PBX3: variants seen among roughly 807,000 people sequenced by gnomAD.
PBX3 encodes PBX homeobox 3.
PBX3 carries 14 observed loss-of-function variants against 48.5 expected under a neutral mutation model. The observed-to-expected ratio is 0.29, with a 90% CI of 0.19 to 0.45. The LOEUF is 0.45. Ranked by LOEUF, PBX3 falls within the 20% of genes least tolerant of loss-of-function variation. PBX3 has a pLI of 1.00. For synonymous variants in PBX3, 210 were observed against 200.3 expected (o/e 1.05, Z -0.41); for missense variants, 386 against 546.7 (o/e 0.71, Z 2.93).
intron 1 of PBX3, chr9:125,748,113 G>A: frequency 2.3e-6 from 1 of 437,446 alleles, no homozygotes; most frequent in Non-Finnish European, 3.0e-6. Flanking sequence ...GTCCGGGTGC[G>A]GACGGCCAAG....
At chr9:125,767,867 G>T (rs1428812830) in intron 2 of PBX3, among the ~76,000 whole-genome samples, 2 of 152,106 alleles carry the variant, frequency 1.3e-5, no homozygotes, top group African/African-American at 2.4e-5. Context: ...GTATTGAGGG[G>T]AAAGAATCAG....
At chr9:125,956,956 G>A (rs773741257) in intron 5 of PBX3, among the ~76,000 whole-genome samples, 2 of 152,142 alleles carry the variant, frequency 1.3e-5, no homozygotes, top group African/African-American at 2.4e-5. Context: ...AGCCTTTGAG[G>A]CTTCCTACTG....
chr9:125,770,690 C>T (rs563132571), intron 2 of PBX3, among the ~76,000 whole-genome samples: 14 of 152,110 alleles, frequency 9.2e-5, no homozygotes, highest in African/African-American at 3.4e-4. Flanking sequence ...TGTGTTCAGG[C>T]AAATCAGACT....
chr9:125,940,043 G>A (rs1841925951), intron 5 of PBX3, among the ~76,000 whole-genome samples: 1 of 152,162 alleles, frequency 6.6e-6, no homozygotes, highest in African/African-American at 2.4e-5. Context: ...GTAGCCGAGT[G>A]TGATGGTGCA....
At chr9:125,929,329 T>A (rs1841661692) in intron 3 of PBX3, among the ~76,000 whole-genome samples, 1 of 152,202 alleles carries the variant, frequency 6.6e-6, no homozygotes, top group East Asian at 1.9e-4. Flanking sequence ...TACTTAGTAT[T>A]AACAATTAAC....
At chr9:125,760,085 A>C (rs535618064) in intron 2 of PBX3, among the ~76,000 whole-genome samples, 2 of 152,222 alleles carry the variant, frequency 1.3e-5, no homozygotes, top group East Asian at 3.9e-4. Flanking sequence ...TTCCATTCCA[A>C]CCTATCTGAG....
rs74984344 is a variant in PBX3, at chr9:125,924,815, A to G, written c.517-4840A>G. 4.1e-4 allele frequency among the ~76,000 whole-genome samples: 62 copies of G among 152,302 alleles called. No homozygotes were observed. In the East Asian group the frequency reaches 0.011, roughly 28 times the overall value. On this transcript the variant is annotated intron_variant, in intron 3 of 8. Coordinates refer to ENST00000373489, the MANE Select transcript of PBX3 (RefSeq NM_006195.6). ...ATTCTGATTTTCACTTGAAAACTCA[A>G]ATTTTTTAATTGGCATAATTCTGTC...
At chr9:125,921,122 GATTTGTCATTC>G (rs145086607) in intron 3 of PBX3, among the ~76,000 whole-genome samples, 489 of 152,260 alleles carry the variant, frequency 3.2e-3, no homozygotes, top group Non-Finnish European at 5.4e-3. Flanking sequence ...TCAAAGCAAG[GATTTGTCATTC>G]ATTGTTCCAA....
chr9:125,902,519 T>C (rs10987015), intron 2 of PBX3, among the ~76,000 whole-genome samples: 9,031 of 151,730 alleles, frequency 0.06, 628 homozygotes, highest in East Asian at 0.17. Context: ...TGTACCAGTA[T>C]AGCTTGAATC....
chr9:125,851,258 A>G (rs1215457753), intron 2 of PBX3, among the ~76,000 whole-genome samples: 1 of 152,138 alleles, frequency 6.6e-6, no homozygotes, highest in Non-Finnish European at 1.5e-5. Context: ...AAAGTGCGAG[A>G]CACAATAATT....
intron 2 of PBX3, among the ~76,000 whole-genome samples, chr9:125,892,750 T>A (rs1475631906): frequency 1.3e-5 from 2 of 152,220 alleles, no homozygotes; most frequent in African/African-American, 2.4e-5. Flanking sequence ...CTTTTTAATC[T>A]GTCATTATGC....
At chr9:125,824,547 T>C (rs1838751650) in intron 2 of PBX3, among the ~76,000 whole-genome samples, 1 of 152,196 alleles carries the variant, frequency 6.6e-6, no homozygotes. Context: ...ATAACTCTAG[T>C]CTCCAAGGTA....
At chr9:125,776,052 C>T (rs1443543197) in intron 2 of PBX3, among the ~76,000 whole-genome samples, 2 of 152,178 alleles carry the variant, frequency 1.3e-5, no homozygotes, top group East Asian at 3.8e-4. Flanking sequence ...GACAGTTTTA[C>T]TTATTCCTTT....
chr9:125,851,412 T>C (rs1208167054), intron 2 of PBX3, among the ~76,000 whole-genome samples: 1 of 152,118 alleles, frequency 6.6e-6, no homozygotes, highest in Non-Finnish European at 1.5e-5. Flanking sequence ...GCCATTGACT[T>C]ATCAATGAAA....
chr9:125,964,664 C>A (rs988517129), intron 8 of PBX3, among the ~76,000 whole-genome samples: 2 of 152,136 alleles, frequency 1.3e-5, no homozygotes, highest in African/African-American at 2.4e-5. Flanking sequence ...CATGCCAACT[C>A]TGCAGTGAAT....
intron 4 of PBX3, among the ~76,000 whole-genome samples, chr9:125,931,156 T>C (rs1000331744): frequency 2.6e-5 from 4 of 152,224 alleles, no homozygotes; most frequent in Non-Finnish European, 5.9e-5. Flanking sequence ...AAAAGAAATA[T>C]TTCTGTGATG....
chr9:125,874,197 A>T (rs949902970), intron 2 of PBX3, among the ~76,000 whole-genome samples: 2 of 152,100 alleles, frequency 1.3e-5, no homozygotes, highest in African/African-American at 2.4e-5. Context: ...TAAAACCAGT[A>T]GTTTAAAATA....
At chr9:125,910,612 C>T (rs1236503450) in intron 2 of PBX3, among the ~76,000 whole-genome samples, 1 of 151,392 alleles carries the variant, frequency 6.6e-6, no homozygotes, top group African/African-American at 2.4e-5. Context: ...GTGCACACAC[C>T]ACACAGTCAC....
Position 125,965,869 on chromosome 9 carries a change from T to C in PBX3, c.1251T>C (p.Ser417=). The C allele has an allele frequency of 6.2e-7, 1 of 1,614,190 alleles. No homozygotes were observed. The change falls in exon 9 of 9, where the codon TCT becomes TCC. Residue 417 remains serine (S), a synonymous_variant. Transcript: ENST00000373489. ...GGWQDATTPS[S]VTSPTEGPGS... ...GGCAGGACGCAACAACTCCATCTTC[T>C]GTGACTTCTCCTACAGAAGGCCCAG...
Sources: allele counts gnomAD v4.1 joint callset (sites outside exome capture counted in the v4.1 genomes callset), GRCh38; gene constraint gnomAD v4.1.1; transcripts MANE v1.5; gene names NCBI Gene and HGNC (gene_info 2026-07-23, HGNC 2026-07-21).